GULP1: variants seen among roughly 807,000 people sequenced by gnomAD.
The protein encoded by GULP1 is PTB domain-containing engulfment adapter protein 1.
Under a neutral mutation model 40.9 loss-of-function variants are expected in GULP1, and 19 were observed. The observed-to-expected ratio is 0.46, with a 90% CI of 0.32 to 0.68. The LOEUF is 0.68. GULP1 is among the 30% of genes least tolerant of loss of function. The pLI, the probability that GULP1 is intolerant of heterozygous loss-of-function variation, is 0.03. For missense variants in GULP1, 312 were observed against 362.2 expected (o/e 0.86, Z 1.12); for synonymous variants, 119 against 117.6 (o/e 1.01, Z -0.08).
In GULP1 at chr2:188,527,246, G is replaced by A. The variant is rs965507733; in HGVS notation, c.163-1851G>A. ...AAAAGGTTGCACAGTTCTTGTCAGAGGTCACAGGAATGCTTGAGTCTGGAT... is the reference window on the plus strand; with the variant it reads ...AAAAGGTTGCACAGTTCTTGTCAGAAGTCACAGGAATGCTTGAGTCTGGAT... On this transcript the variant is annotated intron_variant, in intron 5 of 11. Transcript: ENST00000409830. Among the ~76,000 whole-genome samples the A allele has an allele frequency of 2.0e-5, 3 of 152,254 alleles. 1 individual carries two copies. In the South Asian group the frequency reaches 6.2e-4, roughly 31 times the overall value.
intron 7 of GULP1, among the ~76,000 whole-genome samples, chr2:188,564,983 C>G (rs576812692): frequency 6.6e-6 from 1 of 151,888 alleles, no homozygotes; most frequent in South Asian, 2.1e-4. Flanking sequence ...TTTGAAATAA[C>G]TAGCTAAATA....
chr2:188,368,311 G>T (rs2047077104), intron 1 of GULP1, among the ~76,000 whole-genome samples: 1 of 152,156 alleles, frequency 6.6e-6, no homozygotes, highest in African/African-American at 2.4e-5. Context: ...GCCGAGTGTG[G>T]TGGCTCATGC....
At chr2:188,531,736 AG>A (rs1559348929) in intron 6 of GULP1, among the ~76,000 whole-genome samples, 1 of 152,220 alleles carries the variant, frequency 6.6e-6, no homozygotes, top group Non-Finnish European at 1.5e-5. Context: ...TAAATTCATT[AG>A]GCAATTAGCA....
intron 2 of GULP1, among the ~76,000 whole-genome samples, chr2:188,417,135 G>A (rs896942380): frequency 1.3e-5 from 2 of 152,154 alleles, no homozygotes; most frequent in Non-Finnish European, 2.9e-5. Context: ...TGTCAAAGTA[G>A]TGTCAGTTTG....
intron 1 of GULP1, among the ~76,000 whole-genome samples, chr2:188,309,866 T>C (rs1251745990): frequency 2.6e-5 from 4 of 152,230 alleles, no homozygotes; most frequent in African/African-American, 7.2e-5. Context: ...TTTTTTGCTA[T>C]GTGCCAACTA....
At chr2:188,321,239 T>A (rs2039937895) in intron 1 of GULP1, among the ~76,000 whole-genome samples, 1 of 152,174 alleles carries the variant, frequency 6.6e-6, no homozygotes, top group Non-Finnish European at 1.5e-5. Flanking sequence ...ATCAATTTAT[T>A]TTTCTGTCTT....
intron 1 of GULP1, among the ~76,000 whole-genome samples, chr2:188,303,234 CTT>C (rs1222097503): frequency 6.6e-6 from 1 of 152,124 alleles, no homozygotes; most frequent in East Asian, 1.9e-4. Context: ...ATATATATCT[CTT>C]TGTCTTTTTG....
At chr2:188,383,655 G>T (rs2049292084) in intron 1 of GULP1, 108 bp from the exon 2 acceptor site, 1 of 152,004 alleles carries the variant, frequency 6.6e-6, no homozygotes, top group Non-Finnish European at 1.5e-5. Context: ...TTGAACATTT[G>T]CAAGAAGCAT....
chr2:188,432,875 A>G (rs955695293), intron 2 of GULP1, among the ~76,000 whole-genome samples: 3 of 152,158 alleles, frequency 2.0e-5, no homozygotes, highest in Non-Finnish European at 4.4e-5. Flanking sequence ...CTACACATAA[A>G]CATATCTAAA....
In GULP1 at chr2:188,575,740, T is replaced by C. The variant is rs527613776; in HGVS notation, c.609+5620T>C. ...AGATTTGATAAGCCTTCACAGGCAA[T>C]GGCAAAGGATTGGTATTTTTTTTTA... On this transcript the variant is annotated intron_variant, in intron 9 of 11. Transcript: ENST00000409830. Among the ~76,000 whole-genome samples the C allele has an allele frequency of 5.2e-5, 5 of 95,998 alleles. No individual in the cohort carries two copies. The East Asian group carries it at 1.6e-3, about 31-fold the overall frequency. 63.0% of individuals were successfully genotyped at this position (95,998 alleles called of 152,430 possible).
intron 2 of GULP1, among the ~76,000 whole-genome samples, chr2:188,448,570 T>C (rs1225385257): frequency 6.6e-6 from 1 of 152,212 alleles, no homozygotes; most frequent in East Asian, 1.9e-4. Context: ...CTTGGAAATA[T>C]TTAGAACTTA....
chr2:188,580,203 A>G (rs1473731694), intron 9 of GULP1, among the ~76,000 whole-genome samples: 1 of 152,256 alleles, frequency 6.6e-6, no homozygotes, highest in Non-Finnish European at 1.5e-5. Context: ...GAACAAAAAC[A>G]GATTTTAAAA....
intron 4 of GULP1, among the ~76,000 whole-genome samples, chr2:188,508,474 G>C (rs6736780): frequency 0.97 from 147,966 of 152,088 alleles, 72,126 homozygotes; most frequent in East Asian, 1. Context: ...GATAAAACAG[G>C]TGATCACCTC....
intron 2 of GULP1, among the ~76,000 whole-genome samples, chr2:188,461,406 C>T (rs548982998): frequency 3.1e-4 from 47 of 150,494 alleles, no homozygotes; most frequent in African/African-American, 9.8e-4. Flanking sequence ...CTGCAACCTC[C>T]GCCTCCTAAA....
At chr2:188,298,874 A>T (rs2035558705) in intron 1 of GULP1, among the ~76,000 whole-genome samples, 1 of 152,202 alleles carries the variant, frequency 6.6e-6, no homozygotes, top group Admixed American at 6.5e-5. Context: ...TATAGCACTC[A>T]GGCAAAAGTT....
Position 188,362,766 on chromosome 2 carries a change from A to G in GULP1, c.-171-20997A>G, listed in dbSNP as rs141036661. Among the ~76,000 whole-genome samples, 352 of 151,980 alleles carry G rather than the reference A, an allele frequency of 2.3e-3. 2 individuals carry two copies. The highest frequency in any genetic ancestry group is 8.0e-3 in the African/African-American group (332 of 41,458). On this transcript the variant is annotated intron_variant, in intron 1 of 11. Transcript: ENST00000409830. ...GATCCTTTCCATTTTTTCACTTGTAATCTGACTTAGAAGGCTGATGGATCA... is the reference window on the plus strand; with the variant it reads ...GATCCTTTCCATTTTTTCACTTGTAGTCTGACTTAGAAGGCTGATGGATCA...
At chr2:188,522,712 T>C (rs750588414) in intron 4 of GULP1, 44 bp from the exon 5 acceptor site, 4 of 1,177,444 alleles carry the variant, frequency 3.4e-6, no homozygotes, top group Non-Finnish European at 5.1e-6. Flanking sequence ...TGCAATGATA[T>C]ATGATATGGT....
intron 2 of GULP1, among the ~76,000 whole-genome samples, chr2:188,456,023 T>C (rs1169854497): frequency 6.6e-6 from 1 of 152,112 alleles, no homozygotes. Context: ...AGAGAGATGA[T>C]TTAGGGTATC....
intron 9 of GULP1, among the ~76,000 whole-genome samples, chr2:188,573,529 A>T (rs1468964693): frequency 1.3e-5 from 2 of 152,222 alleles, no homozygotes; most frequent in African/African-American, 2.4e-5. Context: ...TGAAATTTGA[A>T]CATCAGTTTT....
Sources: gnomAD v4.1 joint callset for allele counts (sites outside exome capture counted in the v4.1 genomes callset) on GRCh38, gnomAD v4.1.1 for gene constraint, MANE v1.5 for transcripts, NCBI Gene and HGNC (gene_info 2026-07-23, HGNC 2026-07-21) for gene names.